DDX10: variants seen among roughly 807,000 people sequenced by gnomAD.
The protein encoded by DDX10 is DEAD-box helicase 10, also known as probable ATP-dependent RNA helicase DDX10.
DDX10 carries 74 observed loss-of-function variants against 104.3 expected under a neutral mutation model. The observed-to-expected ratio is 0.71, with a 90% CI of 0.59 to 0.86. The LOEUF (loss-of-function observed/expected upper bound fraction) is 0.86. Ranked by LOEUF, DDX10 falls within the 40% of genes least tolerant of loss-of-function variation. The pLI is 0.00. For missense variants in DDX10, 952 were observed against 1,040.0 expected, an observed-to-expected ratio of 0.92 and a Z score of 1.16; for synonymous variants, 351 against 353.4, an observed-to-expected ratio of 0.99 and a Z score of 0.08.
chr11:108,712,288 G>T (rs1294200124), intron 10 of DDX10, among the ~76,000 whole-genome samples: 1 of 152,126 alleles, frequency 6.6e-6, no homozygotes, highest in Non-Finnish European at 1.5e-5. Flanking sequence ...TTAGGCTATT[G>T]ATGTTGAAAG....
chr11:108,818,136 C>T lies in DDX10; in HGVS notation c.1966-20310C>T, dbSNP rs533490057. Among the ~76,000 whole-genome samples the T allele has an allele frequency of 4.4e-4, 67 of 152,316 alleles. 1 individual carries two copies. In the South Asian group the frequency reaches 0.011, roughly 24 times the overall value. On this transcript the variant is annotated intron_variant, in intron 13 of 17. Transcript: ENST00000322536. Reference sequence around the variant, plus strand: ...ATTCCTATTTCCTCCTGTCAGCGTTCCCTGCCCTCACCAGTGGACATGCAT... The same window carrying T: ...ATTCCTATTTCCTCCTGTCAGCGTTTCCTGCCCTCACCAGTGGACATGCAT...
At chr11:108,767,277 A>G (rs1224381933) in intron 13 of DDX10, 9 of 152,234 alleles carry the variant, frequency 5.9e-5, no homozygotes, top group African/African-American at 2.2e-4. Flanking sequence ...CATCTGTGCT[A>G]AGGAAATTCA....
At chr11:108,889,514 T>A (rs914114784) in intron 16 of DDX10, among the ~76,000 whole-genome samples, 1 of 152,216 alleles carries the variant, frequency 6.6e-6, no homozygotes, top group South Asian at 2.1e-4. Flanking sequence ...TATCAAATGT[T>A]AACTTTTTTT....
At chr11:108,731,819 A>G (rs573165525) in intron 13 of DDX10, among the ~76,000 whole-genome samples, 1 of 152,292 alleles carries the variant, frequency 6.6e-6, no homozygotes, top group Admixed American at 6.5e-5. Context: ...GACGAGATAT[A>G]GAAAAATCAA....
intron 15 of DDX10, among the ~76,000 whole-genome samples, chr11:108,847,147 G>A (rs567105818): frequency 6.6e-6 from 1 of 152,278 alleles, no homozygotes; most frequent in East Asian, 1.9e-4. Flanking sequence ...TACAGCAAAA[G>A]CTGTAACATT....
chr11:108,793,862 A>G (rs1220125815), intron 13 of DDX10, among the ~76,000 whole-genome samples: 3 of 140,414 alleles, frequency 2.1e-5, no homozygotes, highest in Non-Finnish European at 4.6e-5. Flanking sequence ...CTATCATTCT[A>G]TTTTTTACCT....
chr11:108,772,822 G>A (rs2094365013), intron 13 of DDX10, among the ~76,000 whole-genome samples: 1 of 152,196 alleles, frequency 6.6e-6, no homozygotes, highest in Non-Finnish European at 1.5e-5. Context: ...ACATCCTTAT[G>A]AGAATCTGAC....
At chr11:108,852,237 C>T (rs746587515) in intron 16 of DDX10, 28 bp downstream of exon 16, 2 of 1,581,348 alleles carry the variant, frequency 1.3e-6, no homozygotes. Context: ...TTTATTTTTC[C>T]AAGCTCTATT....
At chr11:108,778,517 T>TCCTTACA (rs2094373247) in intron 13 of DDX10, among the ~76,000 whole-genome samples, 1 of 152,206 alleles carries the variant, frequency 6.6e-6, no homozygotes, top group Non-Finnish European at 1.5e-5. Context: ...CTGGATCCCT[T>TCCTTACA]CCTTACACCT....
Position 108,723,215 on chromosome 11 carries a change from A to G in DDX10, c.1718A>G (p.Gln573Arg), listed in dbSNP as rs747627545. 1.2e-6 allele frequency: 2 copies of G among 1,613,788 alleles called. No individual in the cohort carries two copies. Among genetic ancestry groups the G allele is most frequent in the Middle Eastern group, 1.6e-4 (1 of 6,062 alleles). ...AGACTCGAAGGGACAGAGCACAGAC[A>G]GGATAATGATACTGGTAATGAAGAA... Reference protein sequence around the residue: ...GKRLEGTEHRQDNDTGNEEQE... With the variant: ...GKRLEGTEHRRDNDTGNEEQE... The change falls in exon 13 of 18, where the codon CAG (glutamine) becomes CGG (arginine). Residue 573 changes from glutamine (Q) to arginine (R), a missense_variant. Around this residue, in one of 3 missense-constraint regions of DDX10, gnomAD observed 533 missense variants for 534.1 expected, o/e 1.00. Transcript: ENST00000322536.
At chr11:108,865,970 G>A (rs531167926) in intron 16 of DDX10, among the ~76,000 whole-genome samples, 10 of 152,120 alleles carry the variant, frequency 6.6e-5, no homozygotes, top group African/African-American at 1.9e-4. Flanking sequence ...TCCATGTGTC[G>A]GGTAGTATTC....
rs200847077 is a variant in DDX10 at position 108,675,726 on chromosome 11, A to G, written c.378A>G (p.Pro126=). Residue 126 remains proline (P), a splice_region_variant and synonymous_variant, in exon 3 of 18, where the codon CCA becomes CCG. Coordinates refer to ENST00000322536, the MANE Select transcript of DDX10 (RefSeq NM_004398.4). ...GCAAGACTCTGGCTTTTCTTGTTCC[A>G]GTAAGTACATTGTCATTGGGTCAGA... ...GSGKTLAFLV[P]VLEALYRLQW... is the part of the protein sequence containing the mutation. 1.2e-5 allele frequency: 20 copies of G among 1,614,132 alleles called. No homozygotes were observed. The African/African-American group carries it at 2.3e-4, about 18-fold the overall frequency.
At position 108,909,587 on chromosome 11, in the gene DDX10, A is replaced by G. The variant is rs534291092; in HGVS notation, c.2305-8286A>G. Among the ~76,000 whole-genome samples, 825 of 152,192 alleles carry G rather than the reference A, an allele frequency of 5.4e-3. 6 individuals are homozygous for G. Among genetic ancestry groups the G allele is most frequent in the Non-Finnish European group, 9.0e-3 (611 of 68,030 alleles). ...TAAGTAAAACCCTTTCCTGAGTTCT[A>G]TGAAAAGTTGTAGAGAATTATGGAA... On this transcript the variant is annotated intron_variant, in intron 16 of 17. Transcript: ENST00000322536.
At chr11:108,828,324 C>G (rs1396325788) in intron 13 of DDX10, among the ~76,000 whole-genome samples, 6 of 152,078 alleles carry the variant, frequency 3.9e-5, no homozygotes, top group African/African-American at 1.4e-4. Context: ...TCCCCCGAGT[C>G]TCCAAAGTCC....
chr11:108,760,879 A>C (rs958887880), intron 13 of DDX10, among the ~76,000 whole-genome samples: 11 of 151,908 alleles, frequency 7.2e-5, no homozygotes, highest in Non-Finnish European at 1.3e-4. Flanking sequence ...TCCTTTTCTG[A>C]TTGGCAGGGC....
chr11:108,916,034 GAATA>G (rs966409652), intron 16 of DDX10, among the ~76,000 whole-genome samples: 1 of 148,910 alleles, frequency 6.7e-6, no homozygotes, highest in Non-Finnish European at 1.5e-5. Context: ...TATATTAAAT[GAATA>G]AATATATTTT....
At chr11:108,680,287 T>C (rs1245621637) in intron 6 of DDX10, among the ~76,000 whole-genome samples, 1 of 152,230 alleles carries the variant, frequency 6.6e-6, no homozygotes, top group African/African-American at 2.4e-5. Context: ...TGAATATAGC[T>C]CACTACAGCC....
At chr11:108,672,864 C>A (rs1025467875) in intron 1 of DDX10, among the ~76,000 whole-genome samples, 1 of 152,160 alleles carries the variant, frequency 6.6e-6, no homozygotes, top group African/African-American at 2.4e-5. Flanking sequence ...CAAAATGTTA[C>A]TTATTGTGGC....
rs141063003 is a variant in DDX10, at chr11:108,940,459, G to A, written c.*36G>A. 1,752 of 1,603,272 alleles carry A rather than the reference G, an allele frequency of 1.1e-3. 2 individuals carry two copies. Among genetic ancestry groups the A allele is most frequent in the Non-Finnish European group, 1.4e-3 (1,685 of 1,174,730 alleles). ...CGCCTGCCTTCTCCTTGAAACCTTG[G>A]TTATGACTGCGTAGGCAAGAAGTTG... On this transcript the variant is annotated 3_prime_UTR_variant, in exon 18 of 18. Coordinates refer to ENST00000322536, the MANE Select transcript of DDX10 (RefSeq NM_004398.4).
Sources: allele counts gnomAD v4.1 joint callset (sites outside exome capture counted in the v4.1 genomes callset), GRCh38; gene constraint gnomAD v4.1.1; regional missense constraint gnomAD v4.1.1; transcripts MANE v1.5; gene names NCBI Gene and HGNC (gene_info 2026-07-23, HGNC 2026-07-21).